Variants in STAT4 observed in about 807,000 individuals in gnomAD.
STAT4 encodes the protein signal transducer and activator of transcription 4.
STAT4 carries 42 observed loss-of-function variants against 110.5 expected under a neutral mutation model. The ratio of observed to expected loss-of-function variants is 0.38; its 90% CI spans 0.30 to 0.49. STAT4 has a LOEUF of 0.49. STAT4 is among the 20% of genes least tolerant of loss of function. The probability of loss-of-function intolerance (pLI) is 0.95; values close to 1 mark genes in which losing one functional copy is unlikely to be tolerated. For synonymous variants in STAT4, 284 were observed against 302.2 expected (o/e 0.94, Z 0.63); for missense variants, 632 against 887.9 (o/e 0.71, Z 3.66).
At position 191,030,101 on chromosome 2, in the gene STAT4, C is replaced by T. The variant is rs1004429722; in HGVS notation, c.2221-235G>A. Reference sequence around the variant, plus strand: ...TTTAAGAAAAAGGCCTGTTTATCCACCAAAAACATAATGAGGAAATGGGTG... The same window carrying T: ...TTTAAGAAAAAGGCCTGTTTATCCATCAAAAACATAATGAGGAAATGGGTG... On this transcript the variant is annotated intron_variant, in intron 23 of 23. Transcript: ENST00000392320. The surrounding 1 kb of genome is among the most constrained non-coding windows in gnomAD (Gnocchi z 4.4). 1.3e-5 allele frequency among the ~76,000 whole-genome samples: 2 copies of T among 152,038 alleles called. No homozygotes were observed. Among genetic ancestry groups the T allele is most frequent in the African/African-American group, 4.8e-5 (2 of 41,398 alleles).
chr2:191,054,276 C>A (rs1157525700), intron 14 of STAT4, among the ~76,000 whole-genome samples: 1 of 151,868 alleles, frequency 6.6e-6, no homozygotes, highest in African/African-American at 2.4e-5. Flanking sequence ...TAGTTATTTT[C>A]TTTGGAGGGT....
At chr2:191,052,710 C>T (rs1696565777) in intron 14 of STAT4, among the ~76,000 whole-genome samples, 1 of 152,134 alleles carries the variant, frequency 6.6e-6, no homozygotes, top group African/African-American at 2.4e-5. Flanking sequence ...ATAAATAATA[C>T]TCAAGATGTC....
chr2:191,124,795 T>C (rs1698833338), intron 3 of STAT4, among the ~76,000 whole-genome samples: 1 of 152,216 alleles, frequency 6.6e-6, no homozygotes, highest in Non-Finnish European at 1.5e-5. Context: ...ACATGTCAAT[T>C]CTTTCACCAA....
chr2:191,076,804 C>G (rs974616317), intron 3 of STAT4, among the ~76,000 whole-genome samples: 1 of 152,026 alleles, frequency 6.6e-6, no homozygotes, highest in Admixed American at 6.6e-5. Flanking sequence ...CACCACCATG[C>G]CCAGCTAATT....
Position 191,058,388 on chromosome 2 carries a change from C to G in STAT4, c.1095-169G>C, listed in dbSNP as rs1171339056. On this transcript the variant is annotated intron_variant, in intron 11 of 23. Coordinates refer to ENST00000392320, the MANE Select transcript of STAT4 (RefSeq NM_003151.4). This position sits in a 1 kb window ranked among gnomAD's most constrained non-coding sequence, Gnocchi z 4.3. ...TCTTGGCTCACTACAACCTCTGCCCCCTGGGTTCAAGCGATTCTCCTGCCT... is the reference window on the plus strand; with the variant it reads ...TCTTGGCTCACTACAACCTCTGCCCGCTGGGTTCAAGCGATTCTCCTGCCT... Among the ~76,000 whole-genome samples the G allele has an allele frequency of 6.6e-6, 1 of 152,060 alleles. No individual in the cohort carries two copies. The highest frequency in any genetic ancestry group is 6.6e-5 in the Admixed American group (1 of 15,260).
rs1574171184 is a variant in STAT4 at position 191,116,787 on chromosome 2, T to A, written c.273+29826A>T. 4.9e-4 allele frequency among the ~76,000 whole-genome samples: 1 copy of A among 2,034 alleles called. No homozygotes were observed. Among genetic ancestry groups the A allele is most frequent in the Middle Eastern group, 0.1 (1 of 10 alleles). 1.3% of individuals were successfully genotyped at this position (2,034 alleles called of 152,430 possible). A position where few individuals can be genotyped will look rare whatever the true frequency, so the allele number is the denominator to read the frequency against. On this transcript the variant is annotated intron_variant, in intron 3 of 23. Coordinates refer to ENST00000392320, the MANE Select transcript of STAT4 (RefSeq NM_003151.4). This position sits in a 1 kb window ranked among gnomAD's most constrained non-coding sequence, Gnocchi z 4.1. ...TCAGAAGTGTTCCTGGCAGAGAAAC[T>A]CCCCAACATAACTTGTTGAATGAAT...
chr2:191,145,087 CATAT>C (rs1033153782), intron 3 of STAT4, among the ~76,000 whole-genome samples: 9 of 152,040 alleles, frequency 5.9e-5, no homozygotes, highest in African/African-American at 2.2e-4. Context: ...ATGTGATATA[CATAT>C]ATATCATATG....
chr2:191,037,202 A>G lies in STAT4; in HGVS notation c.1435-903T>C, dbSNP rs1347425110. ...TTACCTTGACCAGACCAATCATCCC[A>G]AAGTGCTAGAAATGGTAAAGTCCCA... On this transcript the variant is annotated intron_variant, in intron 16 of 23. Coordinates refer to ENST00000392320, the MANE Select transcript of STAT4 (RefSeq NM_003151.4). This position sits in a 1 kb window ranked among gnomAD's most constrained non-coding sequence, Gnocchi z 4.8. Among the ~76,000 whole-genome samples the G allele has an allele frequency of 2.0e-5, 3 of 152,326 alleles. No homozygotes were observed. In the East Asian group the frequency reaches 5.8e-4, roughly 29 times the overall value.
At chr2:191,124,635 C>T (rs372768387) in intron 3 of STAT4, among the ~76,000 whole-genome samples, 2 of 152,060 alleles carry the variant, frequency 1.3e-5, no homozygotes, top group African/African-American at 4.8e-5. Flanking sequence ...CTGTAAATCA[C>T]GTAGAGTTTA....
rs1315761659 is a variant in STAT4, at chr2:191,062,740, C to T, written c.941+22G>A. Reference sequence around the variant, plus strand: ...TTCTTACTTCACAGAATGGAGGATGCCATTGATAGCACTTCACTTACTTCT... The same window carrying T: ...TTCTTACTTCACAGAATGGAGGATGTCATTGATAGCACTTCACTTACTTCT... On this transcript the variant is annotated intron_variant, in intron 9 of 23. Coordinates refer to ENST00000392320, the MANE Select transcript of STAT4 (RefSeq NM_003151.4). The surrounding 1 kb of genome is among the most constrained non-coding windows in gnomAD (Gnocchi z 4.9). 1.2e-6 allele frequency: 2 copies of T among 1,612,174 alleles called. No homozygotes were observed. The highest frequency in any genetic ancestry group is 1.7e-6 in the Non-Finnish European group (2 of 1,179,024).
chr2:191,032,596 G>T lies in STAT4; in HGVS notation c.2044+362C>A, dbSNP rs554669062. ...ATACAGACTTGTTTTACTATTAAAAGCTTCTCATCATTACCCCCTCTTTCT... is the reference window on the plus strand; with the variant it reads ...ATACAGACTTGTTTTACTATTAAAATCTTCTCATCATTACCCCCTCTTTCT... On this transcript the variant is annotated intron_variant, in intron 21 of 23. Transcript: ENST00000392320. The surrounding 1 kb of genome is among the most constrained non-coding windows in gnomAD (Gnocchi z 4.9). 1.3e-5 allele frequency among the ~76,000 whole-genome samples: 2 copies of T among 152,268 alleles called. No homozygotes were observed. Among genetic ancestry groups the T allele is most frequent in the East Asian group, 3.9e-4 (2 of 5,188 alleles).
intron 3 of STAT4, among the ~76,000 whole-genome samples, chr2:191,081,885 C>T (rs1697491240): frequency 6.6e-6 from 1 of 152,116 alleles, no homozygotes; most frequent in East Asian, 1.9e-4. Context: ...CCTAGCATTA[C>T]CTCTTTAATT....
chr2:191,063,322 G>A (rs1696899846), intron 8 of STAT4, among the ~76,000 whole-genome samples: 1 of 152,126 alleles, frequency 6.6e-6, no homozygotes, highest in East Asian at 1.9e-4. Flanking sequence ...CATGATTAAT[G>A]TTTTCTTATG....
Position 191,083,479 on chromosome 2 carries a change from T to C in STAT4, c.274-7154A>G, listed in dbSNP as rs1192446139. Reference sequence around the variant, plus strand: ...AAGATGTGAACAGGACAGCCCCACCTCTGCTGTACCAGCTCTTCTCCTAAC... The same window carrying C: ...AAGATGTGAACAGGACAGCCCCACCCCTGCTGTACCAGCTCTTCTCCTAAC... On this transcript the variant is annotated intron_variant, in intron 3 of 23. Coordinates refer to ENST00000392320, the MANE Select transcript of STAT4 (RefSeq NM_003151.4). The surrounding 1 kb of genome is among the most constrained non-coding windows in gnomAD (Gnocchi z 4.6). 1.3e-5 allele frequency among the ~76,000 whole-genome samples: 2 copies of C among 152,220 alleles called. No individual in the cohort carries two copies. The highest frequency in any genetic ancestry group is 3.8e-4 in the East Asian group (2 of 5,200).
rs3024855 is a variant in STAT4, at chr2:191,061,507, C to A, written c.1034+222G>T. On this transcript the variant is annotated intron_variant, in intron 10 of 23. Transcript: ENST00000392320. The surrounding 1 kb of genome is among the most constrained non-coding windows in gnomAD (Gnocchi z 6.2). The stretch of plus-strand genomic sequence containing the variant: ...GATATTATGATTCCATACTTTCAGG[C>A]TAATATCCCTTATGTCCTCATCTGC... 9.5e-3 allele frequency among the ~76,000 whole-genome samples: 1,440 copies of A among 152,272 alleles called. 25 individuals are homozygous for A. The highest frequency in any genetic ancestry group is 0.033 in the African/African-American group (1,365 of 41,550).
At chr2:191,105,115 A>G (rs1426371297) in intron 3 of STAT4, among the ~76,000 whole-genome samples, 1 of 152,240 alleles carries the variant, frequency 6.6e-6, no homozygotes, top group Non-Finnish European at 1.5e-5. Context: ...AAAGTCTAAC[A>G]CTGTGATAGA....
intron 3 of STAT4, among the ~76,000 whole-genome samples, chr2:191,088,257 C>T (rs1429838248): frequency 6.6e-6 from 1 of 152,120 alleles, no homozygotes; most frequent in African/African-American, 2.4e-5. Context: ...AAGTCAATTG[C>T]TTTCCTATTG....
At chr2:191,093,896 G>T (rs1372165156) in intron 3 of STAT4, among the ~76,000 whole-genome samples, 1 of 152,176 alleles carries the variant, frequency 6.6e-6, no homozygotes, top group East Asian at 1.9e-4. Flanking sequence ...GACCTTAAAT[G>T]ATCCGATGTT....
At position 191,113,598 on chromosome 2, in the gene STAT4, T is replaced by A. The variant is rs1698485856; in HGVS notation, c.273+33015A>T. ...TTCACAGGGAGATGTAAGAAGGCAA[T>A]TAGGTACCATTAGGGCCAAATTTGT... On this transcript the variant is annotated intron_variant, in intron 3 of 23. Coordinates refer to ENST00000392320, the MANE Select transcript of STAT4 (RefSeq NM_003151.4). This position sits in a 1 kb window ranked among gnomAD's most constrained non-coding sequence, Gnocchi z 4.8. Among the ~76,000 whole-genome samples the A allele has an allele frequency of 6.6e-6, 1 of 152,172 alleles. No individual in the cohort carries two copies.
Sources: gnomAD v4.1 joint callset for allele counts (sites outside exome capture counted in the v4.1 genomes callset) on GRCh38, gnomAD v4.1.1 for gene constraint, Gnocchi (gnomAD v3.1) non-coding constraint, MANE v1.5 for transcripts, NCBI Gene and HGNC (gene_info 2026-07-23, HGNC 2026-07-21) for gene names.